The following IL1RAP variants were observed in gnomAD, a reference collection of about 807,000 sequenced individuals.
IL1RAP encodes the protein interleukin 1 receptor accessory protein.
Under a neutral mutation model 60.7 loss-of-function variants are expected in IL1RAP, and 35 were observed. That is an observed-to-expected ratio of 0.58 (90% CI 0.44 to 0.76). IL1RAP has a LOEUF of 0.76. IL1RAP is among the 30% of genes least tolerant of loss of function. The pLI is 0.00. For missense variants in IL1RAP, 572 were observed against 693.9 expected (o/e 0.82, Z 1.97); for synonymous variants, 268 against 250.9 (o/e 1.07, Z -0.64).
chr3:190,629,683 T>C, intron 9 of IL1RAP, 185 bp downstream of exon 9: 3 of 1,322,328 alleles, frequency 2.3e-6, no homozygotes, highest in Non-Finnish European at 2.9e-6. Flanking sequence ...ACTCAAAATA[T>C]TGTTTCTGAT....
chr3:190,640,822 C>G (rs1000226347), intron 9 of IL1RAP, among the ~76,000 whole-genome samples: 5 of 152,148 alleles, frequency 3.3e-5, no homozygotes, highest in African/African-American at 9.7e-5. Context: ...GGAAAAAATA[C>G]TGATTTAAGG....
At chr3:190,559,985 A>G (rs1047026206) in intron 2 of IL1RAP, among the ~76,000 whole-genome samples, 26 of 152,174 alleles carry the variant, frequency 1.7e-4, no homozygotes, top group African/African-American at 4.6e-4. Flanking sequence ...TAAATATTAG[A>G]TTTGAAATAT....
At chr3:190,603,384 G>A (rs926416691) in intron 3 of IL1RAP, among the ~76,000 whole-genome samples, 3 of 152,130 alleles carry the variant, frequency 2.0e-5, no homozygotes, top group African/African-American at 7.2e-5. Flanking sequence ...CTTTAGTTCT[G>A]AATGAGTATT....
In IL1RAP at chr3:190,553,176, G is replaced by A. The variant is rs111659134; in HGVS notation, c.-88-2954G>A. ...GGTTACATGCCACGCCCCCGAGGACGTACAACAAGATGGAGGCCCGCAAGG... is the reference window on the plus strand; with the variant it reads ...GGTTACATGCCACGCCCCCGAGGACATACAACAAGATGGAGGCCCGCAAGG... On this transcript the variant is annotated intron_variant, in intron 1 of 11. Transcript: ENST00000447382. Among the ~76,000 whole-genome samples, 1,261 of 152,272 alleles carry A rather than the reference G, an allele frequency of 8.3e-3. 23 individuals carry two copies. Among genetic ancestry groups the A allele is most frequent in the African/African-American group, 0.029 (1,194 of 41,548 alleles).
intron 9 of IL1RAP, among the ~76,000 whole-genome samples, chr3:190,639,926 AC>A (rs34380506): frequency 0.26 from 39,096 of 151,892 alleles, 5,432 homozygotes; most frequent in African/African-American, 0.37. Context: ...AGTGGCCTGT[AC>A]CCAACTGTCT....
In IL1RAP at chr3:190,564,339, A is replaced by C. The variant is rs1481919436; in HGVS notation, c.50A>C (p.Gln17Pro). ...VVSLYFYGIL[Q>P]SDASERCDDW... ...AGTCTCTACTTTTATGGAATCCTGCAAAGTGATGCCTCAGGTAAGTGAATG... is the reference window on the plus strand; with the variant it reads ...AGTCTCTACTTTTATGGAATCCTGCCAAGTGATGCCTCAGGTAAGTGAATG... The change falls in exon 3 of 12, where the codon CAA becomes CCA. Residue 17 changes from glutamine to proline, a missense_variant. By Grantham distance (76) the Gln-to-Pro change is moderately conservative (BLOSUM62 -1). Transcript: ENST00000447382. 6.2e-7 allele frequency: 1 copy of C among 1,610,798 alleles called. No individual in the cohort carries two copies. The highest frequency in any genetic ancestry group is 8.5e-7 in the Non-Finnish European group (1 of 1,177,112).
chr3:190,587,004 C>T (rs150144195), intron 3 of IL1RAP, among the ~76,000 whole-genome samples: 26 of 152,276 alleles, frequency 1.7e-4, no homozygotes, highest in African/African-American at 6.3e-4. Context: ...GAGTGCCCAC[C>T]CACTTCCGTT....
At chr3:190,616,941 C>T (rs1731332437) in intron 5 of IL1RAP, among the ~76,000 whole-genome samples, 4 of 152,158 alleles carry the variant, frequency 2.6e-5, no homozygotes, top group Admixed American at 2.6e-4. Context: ...AGGAACTCTG[C>T]ATGAAAACAG....
chr3:190,549,825 G>C (rs1724707466), intron 1 of IL1RAP, among the ~76,000 whole-genome samples: 1 of 152,184 alleles, frequency 6.6e-6, no homozygotes, highest in Admixed American at 6.5e-5. Context: ...TCAGTGAAGA[G>C]AGGGCAGAGG....
At chr3:190,618,498 A>G (rs1731474314) in intron 5 of IL1RAP, among the ~76,000 whole-genome samples, 1 of 152,192 alleles carries the variant, frequency 6.6e-6, no homozygotes, top group Admixed American at 6.5e-5. Flanking sequence ...TATCTAGAAT[A>G]TCTCTGTCTC....
intron 7 of IL1RAP, chr3:190,625,082 G>C (rs899794337): frequency 6.5e-6 from 1 of 153,610 alleles, no homozygotes; most frequent in African/African-American, 2.4e-5. Flanking sequence ...GTTTAACCTG[G>C]ATGTGGAACA....
At position 190,520,829 on chromosome 3, in the gene IL1RAP, A is replaced by G. The variant is rs568846958; in HGVS notation, c.-89+6610A>G. Among the ~76,000 whole-genome samples, 20 of 152,306 alleles carry G rather than the reference A, an allele frequency of 1.3e-4. No individual in the cohort carries two copies. In the East Asian group the frequency reaches 3.9e-3, roughly 29 times the overall value. On this transcript the variant is annotated intron_variant, in intron 1 of 11. Coordinates refer to ENST00000447382, the MANE Select transcript of IL1RAP (RefSeq NM_002182.4). The stretch of plus-strand genomic sequence containing the variant: ...CCAATCAATGCTAATGGCAAGAGAA[A>G]TGAGAAGCAGTCATTTTATAAGCAT...
intron 3 of IL1RAP, among the ~76,000 whole-genome samples, chr3:190,596,313 A>T (rs572427170): frequency 2.4e-4 from 36 of 151,934 alleles, no homozygotes; most frequent in Non-Finnish European, 4.3e-4. Context: ...ATGTGTGAGG[A>T]TACATTTGGG....
downstream of IL1RAP, among the ~76,000 whole-genome samples, chr3:190,653,948 A>G (rs1380199203): frequency 1.3e-5 from 2 of 152,150 alleles, no homozygotes; most frequent in African/African-American, 2.4e-5. Flanking sequence ...AGCATCTCCT[A>G]CATGTGTTTC....
chr3:190,533,499 C>T (rs527873375), intron 1 of IL1RAP, among the ~76,000 whole-genome samples: 2 of 152,218 alleles, frequency 1.3e-5, no homozygotes, highest in African/African-American at 2.4e-5. Flanking sequence ...CTCCCTCCCC[C>T]CTGTGCTTCC....
At chr3:190,611,068 G>A (rs1010205149) in intron 5 of IL1RAP, among the ~76,000 whole-genome samples, 20 of 152,156 alleles carry the variant, frequency 1.3e-4, no homozygotes, top group Non-Finnish European at 2.8e-4. Context: ...ATTGGGTAAT[G>A]AAGTGTTGTA....
chr3:190,559,872 T>C (rs946915846), intron 2 of IL1RAP, among the ~76,000 whole-genome samples: 1 of 152,212 alleles, frequency 6.6e-6, no homozygotes, highest in Admixed American at 6.5e-5. Flanking sequence ...CCATCAAATA[T>C]GCCCGCGTTT....
chr3:190,623,131 G>T (rs1324023626), intron 6 of IL1RAP, among the ~76,000 whole-genome samples: 1 of 152,202 alleles, frequency 6.6e-6, no homozygotes, highest in African/African-American at 2.4e-5. Flanking sequence ...CAGGAACTGG[G>T]AGCAGTCATC....
At chr3:190,529,361 C>G (rs1015358718) in intron 1 of IL1RAP, among the ~76,000 whole-genome samples, 8 of 152,020 alleles carry the variant, frequency 5.3e-5, no homozygotes, top group African/African-American at 1.9e-4. Context: ...AGAGACCAGC[C>G]TGGCCAACGT....
Sources: allele counts gnomAD v4.1 joint callset (sites outside exome capture counted in the v4.1 genomes callset), GRCh38; gene constraint gnomAD v4.1.1; transcripts MANE v1.5; gene names NCBI Gene and HGNC (gene_info 2026-07-23, HGNC 2026-07-21).